Variants in AGL observed in about 807,000 individuals in gnomAD.
AGL encodes the protein amylo-alpha-1,6-glucosidase and 4-alpha-glucanotransferase, also known as glycogen debranching enzyme.
Under a neutral mutation model 199.3 loss-of-function variants are expected in AGL, and 128 were observed. The ratio of observed to expected loss-of-function variants is 0.64; its 90% CI spans 0.56 to 0.74. The LOEUF is 0.74. AGL is among the 30% of genes least tolerant of loss of function. The probability of loss-of-function intolerance (pLI) is 0.00; values close to 1 mark genes in which losing one functional copy is unlikely to be tolerated. For synonymous variants in AGL, 584 were observed against 594.7 expected (o/e 0.98, Z 0.26); for missense variants, 1,809 against 1,820.8 (o/e 0.99, Z 0.12).
Position 99,921,734 on chromosome 1 carries a change from C to G in AGL, c.*83C>G, listed in dbSNP as rs1655526406. 2.2e-6 allele frequency: 2 copies of G among 893,684 alleles called. No individual in the cohort carries two copies. The highest frequency in any genetic ancestry group is 2.5e-4 in the Middle Eastern group (1 of 3,934). The allele number at this position is 893,684 out of a possible 1,614,324, so 55.4% of individuals were successfully genotyped here. A position where few individuals can be genotyped will look rare whatever the true frequency, so the allele number is the denominator to read the frequency against. Reference sequence around the variant, plus strand: ...TGTAAATGCCTTATATGCACAGGCTCAAGTTGTTTTAAAAATCTCATTTAT... The same window carrying G: ...TGTAAATGCCTTATATGCACAGGCTGAAGTTGTTTTAAAAATCTCATTTAT... On this transcript the variant is annotated 3_prime_UTR_variant, in exon 34 of 34. Transcript: ENST00000361915.
chr1:99,863,275 TA>T (rs1650220861), intron 4 of AGL, among the ~76,000 whole-genome samples: 1 of 152,052 alleles, frequency 6.6e-6, no homozygotes, highest in African/African-American at 2.4e-5. Flanking sequence ...TTTTAACCTA[TA>T]AAAATGGCAA....
chr1:99,905,771 G>C (rs1179994232), intron 27 of AGL, among the ~76,000 whole-genome samples: 2 of 151,968 alleles, frequency 1.3e-5, no homozygotes, highest in African/African-American at 4.8e-5. Context: ...GTAGAGGTGG[G>C]AGTCTCCCTA....
At chr1:99,852,347 A>G (rs369179437) in intron 2 of AGL, among the ~76,000 whole-genome samples, 4 of 110,762 alleles carry the variant, frequency 3.6e-5, no homozygotes, top group Admixed American at 1.0e-4. Flanking sequence ...CTGAGCATTC[A>G]TTTCTTTTTT....
intron 12 of AGL, 37 bp downstream of exon 12, chr1:99,877,865 A>G (rs532453303): frequency 6.3e-7 from 1 of 1,597,106 alleles, no homozygotes; most frequent in African/African-American, 1.3e-5. Flanking sequence ...AAGAAAAGAA[A>G]TTCAGTGTTC....
At chr1:99,906,889 A>G (rs1654328945) in intron 27 of AGL, among the ~76,000 whole-genome samples, 1 of 152,212 alleles carries the variant, frequency 6.6e-6, no homozygotes. Flanking sequence ...ATATATACCC[A>G]AAGTGGAATG....
At chr1:99,849,955 G>A (rs1252524939), upstream of AGL, 1 of 152,300 alleles carries the variant, frequency 6.6e-6, no homozygotes, top group Non-Finnish European at 1.5e-5. Context: ...CCTTCCCCAG[G>A]GCAAGGAGAA....
At chr1:99,886,665 A>G (rs1320858297) in intron 20 of AGL, among the ~76,000 whole-genome samples, 1 of 152,232 alleles carries the variant, frequency 6.6e-6, no homozygotes, top group Non-Finnish European at 1.5e-5. Context: ...TAATTTAAAT[A>G]TTAAGCTAAA....
Position 99,880,706 on chromosome 1 carries a change from T to G in AGL, c.1810T>G (p.Phe604Val), listed in dbSNP as rs138105395. 2.0e-4 allele frequency: 328 copies of G among 1,614,066 alleles called. 1 individual carries two copies. The African/African-American group carries it at 3.9e-3, about 19-fold the overall frequency. ...YRYGGEPVGSFVQPCLRPLMP... is the reference protein window; with the variant it reads ...YRYGGEPVGSVVQPCLRPLMP... ...ATATGGAGGAGAACCTGTTGGATCC[T>G]TTGTTCAGCCCTGTTTGAGGCCTTT... is the stretch of plus-strand genomic sequence containing the variant. The change falls in exon 14 of 34, where the codon TTT (phenylalanine) becomes GTT (valine). Residue 604 changes from phenylalanine (F) to valine (V), a missense_variant. Physicochemically the swap from Phe to Val is conservative, Grantham distance 50. Transcript: ENST00000361915.
intron 7 of AGL, 95 bp from the exon 8 acceptor site, chr1:99,874,592 G>A (rs1472217069): frequency 8.5e-7 from 1 of 1,172,694 alleles, no homozygotes; most frequent in East Asian, 2.5e-5. Flanking sequence ...TTTATTTTCA[G>A]TGAAAAAATT....
chr1:99,851,304 A>T (rs1216266031), intron 2 of AGL, among the ~76,000 whole-genome samples, 180 bp downstream of exon 2: 1 of 152,218 alleles, frequency 6.6e-6, no homozygotes, highest in Non-Finnish European at 1.5e-5. Flanking sequence ...GATTTGAATT[A>T]AAAATATTTT....
chr1:99,901,181 G>A (rs981617227), intron 26 of AGL, among the ~76,000 whole-genome samples: 1 of 151,944 alleles, frequency 6.6e-6, no homozygotes, highest in South Asian at 2.1e-4. Flanking sequence ...AGTAGCTAAA[G>A]TTTCACCTAA....
chr1:99,873,733 G>A (rs934728422), intron 7 of AGL, among the ~76,000 whole-genome samples: 7 of 151,990 alleles, frequency 4.6e-5, no homozygotes, highest in African/African-American at 1.7e-4. Flanking sequence ...CATGCCCGGC[G>A]GCAGTTTTCA....
intron 4 of AGL, 28 bp downstream of exon 4, chr1:99,862,451 A>G (rs761377607): frequency 7.5e-6 from 12 of 1,609,778 alleles, no homozygotes; most frequent in Admixed American, 1.7e-5. Flanking sequence ...TCTTTTTCTT[A>G]TTTAAAAAAA....
chr1:99,912,337 C>T (rs933040532), intron 28 of AGL, 68 bp from the exon 29 acceptor site: 41 of 1,143,016 alleles, frequency 3.6e-5, no homozygotes, highest in African/African-American at 2.5e-4. Context: ...AATTGTTTAC[C>T]GAATGCCCTT....
chr1:99,886,434 A>G (rs756852754), intron 20 of AGL, among the ~76,000 whole-genome samples: 22 of 152,026 alleles, frequency 1.4e-4, no homozygotes, highest in African/African-American at 4.3e-4. Context: ...GCAATGAGCC[A>G]TGATTGTGCC....
At chr1:99,882,401 G>A (rs540670424) in intron 17 of AGL, among the ~76,000 whole-genome samples, 3 of 152,144 alleles carry the variant, frequency 2.0e-5, no homozygotes, top group Admixed American at 6.6e-5. Context: ...ACAAACATGC[G>A]AACTAAAATG....
chr1:99,861,796 T>A, intron 3 of AGL, 83 bp downstream of exon 3: 1 of 1,500,624 alleles, frequency 6.7e-7, no homozygotes. Flanking sequence ...TGTTACTGTA[T>A]GAACCATGGC....
chr1:99,901,957 ATAACT>A (rs1235570523), intron 26 of AGL, among the ~76,000 whole-genome samples: 1 of 152,132 alleles, frequency 6.6e-6, no homozygotes, highest in Non-Finnish European at 1.5e-5. Flanking sequence ...TATTTTACAC[ATAACT>A]TTGTTTTCTC....
At position 99,884,381 on chromosome 1, in the gene AGL, A is replaced by G; in HGVS notation, c.2476A>G (p.Lys826Glu). 6.2e-7 allele frequency: 1 copy of G among 1,613,418 alleles called. No homozygotes were observed. Among genetic ancestry groups the G allele is most frequent in the Non-Finnish European group, 8.5e-7 (1 of 1,179,632 alleles). Residue 826 changes from lysine (K) to glutamate (E), a missense_variant, in exon 19 of 34, where the codon AAA becomes GAA. Transcript: ENST00000361915. Reference sequence around the variant, plus strand: ...TGTTAAACAAGCTGGAGTTGCCACAAAAGGGCCCAATGAATATATTCAAGA... The same window carrying G: ...TGTTAAACAAGCTGGAGTTGCCACAGAAGGGCCCAATGAATATATTCAAGA... ...KIVKQAGVAT[K>E]GPNEYIQEIE...
Sources: allele counts gnomAD v4.1 joint callset (sites outside exome capture counted in the v4.1 genomes callset), GRCh38; gene constraint gnomAD v4.1.1; transcripts MANE v1.5; gene names NCBI Gene and HGNC (gene_info 2026-07-23, HGNC 2026-07-21).